The following NUBPL variants were observed in gnomAD, a reference collection of about 807,000 sequenced individuals.
NUBPL encodes the protein NUBP iron-sulfur cluster assembly factor, mitochondrial.
A neutral mutation model predicts 45.7 loss-of-function variants in NUBPL; 31 were observed. That is an observed-to-expected ratio of 0.68 (90% CI 0.51 to 0.92). The LOEUF is 0.92. Ranked by LOEUF, NUBPL falls within the 40% of genes least tolerant of loss-of-function variation. NUBPL has a pLI of 0.00. For missense variants in NUBPL, 401 were observed against 398.7 expected, an observed-to-expected ratio of 1.01 and a Z score of -0.05; for synonymous variants, 144 against 140.9, an observed-to-expected ratio of 1.02 and a Z score of -0.15.
chr14:31,779,571 T>C (rs1239194904), intron 6 of NUBPL, among the ~76,000 whole-genome samples: 1 of 152,046 alleles, frequency 6.6e-6, no homozygotes, highest in Admixed American at 6.6e-5. Context: ...ACTAGTAATA[T>C]CAGATTTAAA....
chr14:31,805,030 T>C (rs1010929088), intron 7 of NUBPL, among the ~76,000 whole-genome samples: 3 of 151,790 alleles, frequency 2.0e-5, no homozygotes, highest in African/African-American at 7.3e-5. Context: ...ATTCACAAAC[T>C]ATGCATCTGA....
intron 6 of NUBPL, among the ~76,000 whole-genome samples, chr14:31,742,019 A>G (rs1430291359): frequency 6.6e-6 from 1 of 152,096 alleles, no homozygotes; most frequent in African/African-American, 2.4e-5. Context: ...ATAAAAATAT[A>G]AAATCCTCTC....
chr14:31,693,862 T>C (rs892182257), intron 6 of NUBPL, among the ~76,000 whole-genome samples: 13 of 144,274 alleles, frequency 9.0e-5, no homozygotes, highest in South Asian at 8.5e-4. Flanking sequence ...CTTTTCTTTT[T>C]TTTTTTTTTT....
At chr14:31,618,647 T>C (rs527798663) in intron 4 of NUBPL, among the ~76,000 whole-genome samples, 2 of 152,346 alleles carry the variant, frequency 1.3e-5, no homozygotes, top group East Asian at 3.9e-4. Flanking sequence ...AACCTGTTTG[T>C]TATGATTTCT....
chr14:31,771,807 A>G, intron 6 of NUBPL: 1 of 952,092 alleles, frequency 1.1e-6, no homozygotes. Context: ...CACTTCTTCC[A>G]TTTACCAGCC....
intron 3 of NUBPL, among the ~76,000 whole-genome samples, chr14:31,590,239 C>G (rs1413569408): frequency 1.3e-5 from 2 of 152,138 alleles, no homozygotes; most frequent in Non-Finnish European, 2.9e-5. Flanking sequence ...CTCCCAGGTT[C>G]AGGCAGAACA....
chr14:31,737,668 C>T (rs1455948566), intron 6 of NUBPL, among the ~76,000 whole-genome samples: 5 of 152,078 alleles, frequency 3.3e-5, no homozygotes, highest in Non-Finnish European at 5.9e-5. Context: ...CCTATTGTTC[C>T]GTCTACTCCG....
chr14:31,752,629 C>T (rs965096657), intron 6 of NUBPL, among the ~76,000 whole-genome samples: 1 of 152,220 alleles, frequency 6.6e-6, no homozygotes, highest in Non-Finnish European at 1.5e-5. Context: ...AAGTTTTCCA[C>T]ATCTTCCTGT....
intron 9 of NUBPL, among the ~76,000 whole-genome samples, chr14:31,847,260 C>G: frequency 6.6e-6 from 1 of 152,134 alleles, no homozygotes; most frequent in Non-Finnish European, 1.5e-5. Flanking sequence ...AATGTCTGTT[C>G]CGTATGTTGT....
intron 4 of NUBPL, among the ~76,000 whole-genome samples, chr14:31,647,422 G>A (rs2035885424): frequency 2.6e-5 from 4 of 152,034 alleles, no homozygotes; most frequent in Non-Finnish European, 1.5e-5. Flanking sequence ...GGCACTAAAT[G>A]GCACCTTAAG....
chr14:31,622,775 G>A (rs2035099984), intron 4 of NUBPL, among the ~76,000 whole-genome samples: 3 of 152,264 alleles, frequency 2.0e-5, no homozygotes, highest in Admixed American at 2.0e-4. Flanking sequence ...ATGCCTGGAT[G>A]TCCAGGCAGA....
intron 6 of NUBPL, among the ~76,000 whole-genome samples, chr14:31,711,427 GC>G (rs2037567915): frequency 1.3e-5 from 2 of 152,124 alleles, no homozygotes; most frequent in Non-Finnish European, 2.9e-5. Context: ...AGAATAGCAA[GC>G]AAAAGGGGTC....
At chr14:31,653,878 A>T (rs1442720478) in intron 4 of NUBPL, among the ~76,000 whole-genome samples, 3 of 152,188 alleles carry the variant, frequency 2.0e-5, no homozygotes, top group Non-Finnish European at 2.9e-5. Flanking sequence ...TGTCCATGAA[A>T]TCTTCACAAT....
chr14:31,662,475 C>T (rs1040714313), intron 4 of NUBPL, among the ~76,000 whole-genome samples: 1 of 151,982 alleles, frequency 6.6e-6, no homozygotes, highest in Admixed American at 6.6e-5. Context: ...CCCTCTGCCC[C>T]CCACCCACCG....
chr14:31,715,886 A>G (rs1287604241), intron 6 of NUBPL, among the ~76,000 whole-genome samples: 1 of 152,192 alleles, frequency 6.6e-6, no homozygotes, highest in Non-Finnish European at 1.5e-5. Flanking sequence ...TTAAGTTGCA[A>G]AAAACGTTTT....
intron 6 of NUBPL, among the ~76,000 whole-genome samples, chr14:31,707,162 A>G (rs1042444418): frequency 6.6e-6 from 1 of 152,142 alleles, no homozygotes; most frequent in Non-Finnish European, 1.5e-5. Flanking sequence ...GGTAATTAAG[A>G]TTTAGATGTC....
intron 7 of NUBPL, among the ~76,000 whole-genome samples, chr14:31,818,235 A>G (rs1032743330): frequency 1.3e-5 from 2 of 152,174 alleles, no homozygotes; most frequent in East Asian, 1.9e-4. Context: ...CACTGTCAAT[A>G]TTAGACAGAA....
At position 31,852,894 on chromosome 14, in the gene NUBPL, C is replaced by T. The variant is rs372257897; in HGVS notation, c.897+2693C>T. ...ATGTGCTCTTAGAAACTAGTCACAA[C>T]GCTCTCACCAGATTCTGTTGTATTC... On this transcript the variant is annotated intron_variant, in intron 10 of 10. Transcript: ENST00000281081. 1.8e-4 allele frequency among the ~76,000 whole-genome samples: 28 copies of T among 152,216 alleles called. No homozygotes were observed. The South Asian group carries it at 3.7e-3, about 20-fold the overall frequency.
intron 3 of NUBPL, among the ~76,000 whole-genome samples, chr14:31,566,228 G>C (rs1218676726): frequency 6.6e-6 from 1 of 152,028 alleles, no homozygotes; most frequent in Non-Finnish European, 1.5e-5. Context: ...GAATCTGCCA[G>C]ATCCTGGAAC....
Sources: allele counts gnomAD v4.1 joint callset (sites outside exome capture counted in the v4.1 genomes callset), GRCh38; gene constraint gnomAD v4.1.1; transcripts MANE v1.5; gene names NCBI Gene and HGNC (gene_info 2026-07-23, HGNC 2026-07-21).